MCM10: variants seen among roughly 807,000 people sequenced by gnomAD.
MCM10 encodes protein MCM10 homolog.
In MCM10, 91 loss-of-function variants were observed where a neutral mutation model predicts 109.9. The ratio of observed to expected loss-of-function variants is 0.83; its 90% CI spans 0.70 to 0.99. The LOEUF (loss-of-function observed/expected upper bound fraction) is 0.99, where lower values mean the gene tolerates loss of function less well. Among genes scored for constraint, MCM10 ranks in the 50% least tolerant of loss-of-function variants. The pLI, the probability that MCM10 is intolerant of heterozygous loss-of-function variation, is 0.00. For synonymous variants in MCM10, 380 were observed against 387.2 expected, an observed-to-expected ratio of 0.98 and a Z score of 0.22; for missense variants, 1,077 against 1,061.2, an observed-to-expected ratio of 1.01 and a Z score of -0.21.
intron 18 of MCM10, among the ~76,000 whole-genome samples, chr10:13,206,459 T>G (rs1834582254): frequency 6.6e-6 from 1 of 152,130 alleles, no homozygotes; most frequent in Non-Finnish European, 1.5e-5. Flanking sequence ...AGTTCATACT[T>G]CACTCTCACT....
At chr10:13,194,126 G>A (rs2131581200) in intron 13 of MCM10, among the ~76,000 whole-genome samples, 1 of 152,274 alleles carries the variant, frequency 6.6e-6, no homozygotes, top group Non-Finnish European at 1.5e-5. Context: ...CACTTTGGGA[G>A]GCCGAGGCAG....
chr10:13,206,233 A>G (rs915519133), intron 18 of MCM10, among the ~76,000 whole-genome samples: 10 of 152,070 alleles, frequency 6.6e-5, no homozygotes, highest in Non-Finnish European at 1.3e-4. Context: ...TGTGCTCGCT[A>G]TGTTCCTCGG....
At chr10:13,201,629 A>G in intron 17 of MCM10, 95 bp downstream of exon 17, 2 of 889,292 alleles carry the variant, frequency 2.2e-6, no homozygotes, top group Non-Finnish European at 3.6e-6. Flanking sequence ...CTGGGGCCCT[A>G]TCTCGTGATG....
rs1208321229 is a variant in MCM10 at position 13,172,337 on chromosome 10, C to G, written c.350-39C>G. ...ATTTTTGTCATGTAGAACGTTTTCT[C>G]CTGCCTGGTTCTTAAATTAACATAT... On this transcript the variant is annotated intron_variant, in intron 3 of 19. Coordinates refer to ENST00000378714, the MANE Select transcript of MCM10 (RefSeq NM_018518.5). The surrounding 1 kb of genome is among the most constrained non-coding windows in gnomAD (Gnocchi z 5.2). The G allele has an allele frequency of 6.5e-7, 1 of 1,527,228 alleles. No individual in the cohort carries two copies. Among genetic ancestry groups the G allele is most frequent in the Non-Finnish European group, 9.1e-7 (1 of 1,104,938 alleles). 94.6% of individuals were successfully genotyped at this position (1,527,228 alleles called of 1,614,324 possible). A position where few individuals can be genotyped will look rare whatever the true frequency, so the allele number is the denominator to read the frequency against.
chr10:13,162,479 A>T (rs1191101661), intron 1 of MCM10, among the ~76,000 whole-genome samples: 2 of 152,202 alleles, frequency 1.3e-5, no homozygotes, highest in Non-Finnish European at 2.9e-5. Context: ...ACCAACATAG[A>T]AAGCTAACAC....
At chr10:13,209,182 A>G (rs1416461304) in intron 19 of MCM10, 45 bp from the exon 20 acceptor site, 2 of 1,600,848 alleles carry the variant, frequency 1.2e-6, no homozygotes, top group Non-Finnish European at 1.7e-6. Context: ...GACCCATGCT[A>G]ATAATGTGGA....
At chr10:13,176,964 C>T (rs528488471) in intron 6 of MCM10, among the ~76,000 whole-genome samples, 1 of 152,348 alleles carries the variant, frequency 6.6e-6, no homozygotes, top group African/African-American at 2.4e-5. Flanking sequence ...ATCTTAATTA[C>T]ATCTGAGACA....
intron 15 of MCM10, among the ~76,000 whole-genome samples, 166 bp from the exon 16 acceptor site, chr10:13,198,523 T>G (rs1041110043): frequency 2.6e-5 from 4 of 152,162 alleles, no homozygotes; most frequent in Non-Finnish European, 4.4e-5. Context: ...GCTCAGCTTC[T>G]TGGCTCACCT....
Position 13,186,271 on chromosome 10 carries a change from T to C in MCM10, c.1206T>C (p.Thr402=). 1 of 1,609,386 alleles carries C rather than the reference T, an allele frequency of 6.2e-7. No homozygotes were observed. The highest frequency in any genetic ancestry group is 2.2e-5 in the East Asian group (1 of 44,780). Residue 402 remains threonine (T), a synonymous_variant, in exon 9 of 20, where the codon ACT becomes ACC. Coordinates refer to ENST00000378714, the MANE Select transcript of MCM10 (RefSeq NM_018518.5). ...AGAATGGAGAGCCGTGCACGCAGAC[T>C]GTGAATTTGGTTGGTTTCAGCCTTG... ...KKKNGEPCTQ[T]VNLRDCEYCQ...
chr10:13,161,589 A>G lies in MCM10; in HGVS notation c.-93A>G, dbSNP rs1833927152. On this transcript the variant is annotated 5_prime_UTR_variant, in exon 1 of 20. Transcript: ENST00000378714. ...TTGGCGGGTTCAGCTGTGAACGAAG[A>G]AGGCGTCCCGGCATCGGGTGAGGAG... The G allele has an allele frequency of 6.6e-6, 1 of 152,364 alleles. No homozygotes were observed. Among genetic ancestry groups the G allele is most frequent in the Non-Finnish European group, 1.5e-5 (1 of 68,160 alleles). 9.4% of individuals were successfully genotyped at this position (152,364 alleles called of 1,614,324 possible).
rs1041019086 is a variant in MCM10 at position 13,210,894 on chromosome 10, C to A, written c.*1584C>A. ...GCTATGTGTATGAAATAGGTCACAA[C>A]AGAACTTGAACACCAGGTTGGTGTC... is the stretch of plus-strand genomic sequence containing the variant. On this transcript the variant is annotated 3_prime_UTR_variant, in exon 20 of 20. Coordinates refer to ENST00000378714, the MANE Select transcript of MCM10 (RefSeq NM_018518.5). 2.6e-5 allele frequency: 4 copies of A among 152,130 alleles called. No homozygotes were observed. The highest frequency in any genetic ancestry group is 4.8e-5 in the African/African-American group (2 of 41,406). The allele number at this position is 152,130 out of a possible 1,614,324, so 9.4% of individuals were successfully genotyped here.
intron 17 of MCM10, 93 bp from the exon 18 acceptor site, chr10:13,204,126 G>T: frequency 6.8e-7 from 1 of 1,469,194 alleles, no homozygotes; most frequent in Non-Finnish European, 9.3e-7. Flanking sequence ...TGAGAGACCA[G>T]GTGGTCATGG....
At chr10:13,185,035 T>C (rs1834256493) in intron 8 of MCM10, among the ~76,000 whole-genome samples, 1 of 152,138 alleles carries the variant, frequency 6.6e-6, no homozygotes, top group African/African-American at 2.4e-5. Context: ...CAAGCCTGCC[T>C]ACAGGAGTAT....
At chr10:13,208,338 T>TGATC (rs1277026762) in intron 18 of MCM10, among the ~76,000 whole-genome samples, 1 of 152,018 alleles carries the variant, frequency 6.6e-6, no homozygotes, top group Non-Finnish European at 1.5e-5. Flanking sequence ...CAGTGAGCTG[T>TGATC]GATCGCACTA....
intron 18 of MCM10, among the ~76,000 whole-genome samples, chr10:13,208,240 C>T (rs1834610349): frequency 1.3e-5 from 2 of 151,596 alleles, no homozygotes; most frequent in East Asian, 2.0e-4. Context: ...TAAAAATGAG[C>T]TGGGCATGGT....
At position 13,182,859 on chromosome 10, in the gene MCM10, TA is replaced by T; in HGVS notation, c.931-70del. ...ATTATAGGCATATAGTTTTCCATAGTAAAACTCTTGAATCATAAATGAGGAC... is the reference window on the plus strand; with the variant it reads ...ATTATAGGCATATAGTTTTCCATAGTAAACTCTTGAATCATAAATGAGGAC... On this transcript the variant is annotated intron_variant, in intron 7 of 19. Transcript: ENST00000378714. This position sits in a 1 kb window ranked among gnomAD's most constrained non-coding sequence, Gnocchi z 4.2. 8.2e-7 allele frequency: 1 copy of T among 1,226,212 alleles called. No homozygotes were observed. The highest frequency in any genetic ancestry group is 1.1e-6 in the Non-Finnish European group (1 of 874,670). 76.0% of individuals were successfully genotyped at this position (1,226,212 alleles called of 1,614,324 possible). A position where few individuals can be genotyped will look rare whatever the true frequency, so the allele number is the denominator to read the frequency against.
At chr10:13,198,831 T>C (rs1303808406) in intron 16 of MCM10, 24 bp downstream of exon 16, 1 of 1,464,530 alleles carries the variant, frequency 6.8e-7, no homozygotes, top group Non-Finnish European at 9.5e-7. Context: ...AGCTCAAGGA[T>C]GGTGTTGATG....
intron 8 of MCM10, among the ~76,000 whole-genome samples, chr10:13,183,771 G>A (rs1440513605): frequency 2.0e-5 from 3 of 151,774 alleles, no homozygotes; most frequent in Admixed American, 6.6e-5. Flanking sequence ...TGCAAACTCC[G>A]TCTCCTGGGC....
At chr10:13,186,134 C>CT (rs1384198574) in intron 8 of MCM10, 30 bp from the exon 9 acceptor site, 1 of 1,332,316 alleles carries the variant, frequency 7.5e-7, no homozygotes, top group African/African-American at 1.5e-5. Flanking sequence ...TTTTGTCCGC[C>CT]TTTAACTCCT....
Sources: allele counts gnomAD v4.1 joint callset (sites outside exome capture counted in the v4.1 genomes callset), GRCh38; gene constraint gnomAD v4.1.1; non-coding constraint Gnocchi (gnomAD v3.1); transcripts MANE v1.5; gene names NCBI Gene and HGNC (gene_info 2026-07-23, HGNC 2026-07-21).